DPPA2: variants seen among roughly 807,000 people sequenced by gnomAD.
DPPA2 encodes the protein developmental pluripotency-associated protein 2.
A neutral mutation model predicts 36.2 loss-of-function variants in DPPA2; 26 were observed. The observed-to-expected ratio is 0.72, with a 90% confidence interval of 0.53 to 1.00. The LOEUF (loss-of-function observed/expected upper bound fraction) is 1.00, where lower values mean the gene tolerates loss of function less well. Among genes scored for constraint, DPPA2 ranks in the 50% least tolerant of loss-of-function variants. The pLI is 0.00. For synonymous variants in DPPA2, 113 were observed against 123.2 expected (o/e 0.92, Z 0.55); for missense variants, 361 against 365.1 (o/e 0.99, Z 0.09).
intron 2 of DPPA2, among the ~76,000 whole-genome samples, chr3:109,313,927 G>A (rs532442769): frequency 2.6e-5 from 4 of 152,198 alleles, no homozygotes; most frequent in East Asian, 1.9e-4. Context: ...GCCAGAGGAC[G>A]GGTACAGTGA....
At chr3:109,310,489 C>T (rs1471104289) in intron 3 of DPPA2, among the ~76,000 whole-genome samples, 1 of 149,050 alleles carries the variant, frequency 6.7e-6, no homozygotes, top group Non-Finnish European at 1.5e-5. Context: ...ACCTGGGACT[C>T]AAACCTATGT....
rs1707303874 is a variant in DPPA2, at chr3:109,293,811, T to TATTTTA, written c.*210_*215dup. 6.6e-6 allele frequency: 1 copy of TATTTTA among 152,234 alleles called. No homozygotes were observed. The highest frequency in any genetic ancestry group is 1.5e-5 in the Non-Finnish European group (1 of 68,046). The allele number at this position is 152,234 out of a possible 1,614,324, so 9.4% of individuals were successfully genotyped here. On this transcript the variant is annotated 3_prime_UTR_variant, in exon 9 of 9. Transcript: ENST00000478945. ...AATACAAGGCCAATTGCAGTGACTT[T>TATTTTA]ATTTTAATGGGTTTTCAGACATACA...
chr3:109,307,967 T>G (rs1304403865), intron 6 of DPPA2, 65 bp downstream of exon 6: 5 of 1,555,060 alleles, frequency 3.2e-6, no homozygotes, highest in Non-Finnish European at 4.4e-6. Flanking sequence ...CACGTTTCAG[T>G]CTTGGACTAA....
intron 7 of DPPA2, among the ~76,000 whole-genome samples, chr3:109,302,550 T>A (rs987876765): frequency 6.6e-6 from 1 of 152,130 alleles, no homozygotes; most frequent in Admixed American, 6.6e-5. Flanking sequence ...GCCTCCCGTA[T>A]TCAAACGATT....
intron 1 of DPPA2, among the ~76,000 whole-genome samples, chr3:109,314,927 G>T (rs575809726): frequency 6.6e-6 from 1 of 152,144 alleles, no homozygotes; most frequent in Non-Finnish European, 1.5e-5. Context: ...TTAGGCGGGC[G>T]TTGTGGCGAG....
At position 109,312,592 on chromosome 3, in the gene DPPA2, G is replaced by A; in HGVS notation, c.134C>T (p.Ser45Phe). 4 of 1,613,676 alleles carry A rather than the reference G, an allele frequency of 2.5e-6. No individual in the cohort carries two copies. The highest frequency in any genetic ancestry group is 3.4e-6 in the Non-Finnish European group (4 of 1,179,724). The change falls in exon 3 of 9, where the codon TCT becomes TTT. Residue 45 changes from serine (S) to phenylalanine (F), a missense_variant. By Grantham distance (155) the Ser-to-Phe change is radical (BLOSUM62 -2). Coordinates refer to ENST00000478945, the MANE Select transcript of DPPA2 (RefSeq NM_138815.4). Reference protein sequence around the residue: ...ANMEQMEPSVSSTSDVKLEKP... With the variant: ...ANMEQMEPSVFSTSDVKLEKP... Reference sequence around the variant, plus strand: ...CTCCAGTTTGACATCAGAAGTTGAAGAAACGCTTGGTTCCATTTGTTCCAT... The same window carrying A: ...CTCCAGTTTGACATCAGAAGTTGAAAAAACGCTTGGTTCCATTTGTTCCAT...
chr3:109,300,611 C>A (rs1281463489), intron 7 of DPPA2, among the ~76,000 whole-genome samples, 176 bp from the exon 8 acceptor site: 1 of 151,962 alleles, frequency 6.6e-6, no homozygotes, highest in African/African-American at 2.4e-5. Context: ...CACCTGAGGT[C>A]AGGAGTTTGA....
chr3:109,302,649 T>C (rs558913798), intron 7 of DPPA2, among the ~76,000 whole-genome samples: 1 of 151,556 alleles, frequency 6.6e-6, no homozygotes, highest in East Asian at 2.0e-4. Context: ...AGACGGGGTT[T>C]CATCATATTG....
intron 3 of DPPA2, among the ~76,000 whole-genome samples, chr3:109,310,843 C>T (rs941061587): frequency 2.0e-5 from 3 of 151,856 alleles, no homozygotes; most frequent in Non-Finnish European, 4.4e-5. Context: ...GCTCTGTCAC[C>T]TAGGCTGGAG....
At chr3:109,314,003 C>A (rs1393157114) in intron 2 of DPPA2, among the ~76,000 whole-genome samples, 2 of 152,126 alleles carry the variant, frequency 1.3e-5, no homozygotes, top group African/African-American at 4.8e-5. Context: ...CAAGCCTAAT[C>A]TTGAAACTCA....
chr3:109,302,371 T>C (rs1001503150), intron 7 of DPPA2, among the ~76,000 whole-genome samples: 1 of 152,208 alleles, frequency 6.6e-6, no homozygotes, highest in Non-Finnish European at 1.5e-5. Context: ...CCTTAAATGC[T>C]TTGTCAGTGT....
In DPPA2 at chr3:109,308,085, A is replaced by C; in HGVS notation, c.605T>G (p.Leu202Trp). Residue 202 changes from leucine to tryptophan, a missense_variant, in exon 6 of 9, where the codon TTG becomes TGG. Transcript: ENST00000478945. ...IAARAVQPKA[L>W]NSCSIPVSVE... ...AGAAACAGGAATGGAACATGAATTC[A>C]AAGCCTTAGGCTGAACAGCTCTTGC... is the stretch of plus-strand genomic sequence containing the variant. 2 of 1,614,242 alleles carry C rather than the reference A, an allele frequency of 1.2e-6. No individual in the cohort carries two copies. Among genetic ancestry groups the C allele is most frequent in the Non-Finnish European group, 8.5e-7 (1 of 1,180,048 alleles).
intron 6 of DPPA2, 94 bp downstream of exon 6, chr3:109,307,937 GC>G: frequency 1.4e-6 from 2 of 1,430,990 alleles, no homozygotes; most frequent in Non-Finnish European, 1.9e-6. Flanking sequence ...AGATATTTTA[GC>G]AAATGCCTTC....
intron 7 of DPPA2, among the ~76,000 whole-genome samples, chr3:109,304,241 G>A (rs1707508301): frequency 6.6e-6 from 1 of 151,394 alleles, no homozygotes; most frequent in Non-Finnish European, 1.5e-5. Flanking sequence ...CCACTGCACT[G>A]CAGCCTGGGC....
At position 109,308,109 on chromosome 3, in the gene DPPA2, G is replaced by A. The variant is rs1434158015; in HGVS notation, c.581C>T (p.Ala194Val). ...AMLASWARIA[A>V]RAVQPKALNS... Reference sequence around the variant, plus strand: ...CAAAGCCTTAGGCTGAACAGCTCTTGCAGCAATTCTTGCCCATGATGCCAA... The same window carrying A: ...CAAAGCCTTAGGCTGAACAGCTCTTACAGCAATTCTTGCCCATGATGCCAA... The change falls in exon 6 of 9, where the codon GCA becomes GTA. Residue 194 changes from alanine to valine, a missense_variant. Ala to Val is a moderately conservative substitution (Grantham distance 64). Coordinates refer to ENST00000478945, the MANE Select transcript of DPPA2 (RefSeq NM_138815.4). The A allele has an allele frequency of 1.1e-5, 18 of 1,614,218 alleles. No individual in the cohort carries two copies. Among genetic ancestry groups the A allele is most frequent in the East Asian group, 2.2e-5 (1 of 44,880 alleles).
At chr3:109,306,296 G>A (rs1409462305) in intron 6 of DPPA2, among the ~76,000 whole-genome samples, 2 of 152,160 alleles carry the variant, frequency 1.3e-5, no homozygotes, top group Admixed American at 1.3e-4. Flanking sequence ...TTAGAAAGAG[G>A]TGTCCTCTTT....
Position 109,300,537 on chromosome 3 carries a change from C to T in DPPA2, c.855-102G>A, listed in dbSNP as rs1707439051. On this transcript the variant is annotated intron_variant, in intron 7 of 8. Coordinates refer to ENST00000478945, the MANE Select transcript of DPPA2 (RefSeq NM_138815.4). ...GACCAATAAAATAAAGCATGCACTT[C>T]TGGGCCGGGTGTGGTGGCTCACGCC... The T allele has an allele frequency of 5.9e-6, 7 of 1,182,838 alleles. No homozygotes were observed. The South Asian group carries it at 8.8e-5, about 15-fold the overall frequency. 73.3% of individuals were successfully genotyped at this position (1,182,838 alleles called of 1,614,324 possible). A position where few individuals can be genotyped will look rare whatever the true frequency, so the allele number is the denominator to read the frequency against.
intron 8 of DPPA2, among the ~76,000 whole-genome samples, chr3:109,297,704 G>A (rs950526486): frequency 1.3e-5 from 2 of 152,166 alleles, no homozygotes. Flanking sequence ...GAGCTATCAG[G>A]CCATGACAAC....
rs559535449 is a variant in DPPA2, at chr3:109,308,253, C to T, written c.437G>A (p.Cys146Tyr). 4.3e-6 allele frequency: 7 copies of T among 1,614,226 alleles called. No individual in the cohort carries two copies. The Admixed American group carries it at 1.2e-4, about 27-fold the overall frequency. The change falls in exon 6 of 9, where the codon TGT (cysteine) becomes TAT (tyrosine). Residue 146 changes from cysteine to tyrosine, a missense_variant. By Grantham distance (194) the Cys-to-Tyr change is radical (BLOSUM62 -2). Coordinates refer to ENST00000478945, the MANE Select transcript of DPPA2 (RefSeq NM_138815.4). Reference protein sequence around the residue: ...EMSQETRLQRCSRKRKAVTKR... With the variant: ...EMSQETRLQRYSRKRKAVTKR... ...GGTCACTGCCTTGCGTTTCCTCGAA[C>T]ATCGCTGTAATCTGGTCTCTTGTGA...
Sources: allele counts gnomAD v4.1 joint callset (sites outside exome capture counted in the v4.1 genomes callset), GRCh38; gene constraint gnomAD v4.1.1; transcripts MANE v1.5; gene names NCBI Gene and HGNC (gene_info 2026-07-23, HGNC 2026-07-21).